PKIA: variants seen among roughly 807,000 people sequenced by gnomAD.
The protein encoded by PKIA is cAMP-dependent protein kinase inhibitor alpha, also known as PKI-alpha.
A neutral mutation model predicts 7.6 loss-of-function variants in PKIA; 4 were observed. That is an observed-to-expected ratio of 0.52 (90% CI 0.26 to 1.20). The LOEUF is 1.20. Ranked by LOEUF, PKIA falls within the 50% of genes most tolerant of loss-of-function variation. The pLI, the probability that PKIA is intolerant of heterozygous loss-of-function variation, is 0.13. For missense variants in PKIA, 73 were observed against 86.2 expected (o/e 0.85, Z 0.61); for synonymous variants, 21 against 30.7 (o/e 0.68, Z 1.04).
intron 3 of PKIA, among the ~76,000 whole-genome samples, chr8:78,600,722 G>A (rs1264173822): frequency 6.6e-6 from 1 of 152,040 alleles, no homozygotes; most frequent in African/African-American, 2.4e-5. Flanking sequence ...TGCTTTAGAA[G>A]AAAATATTTT....
At chr8:78,550,531 C>G (rs984415891) in intron 1 of PKIA, among the ~76,000 whole-genome samples, 3 of 152,052 alleles carry the variant, frequency 2.0e-5, no homozygotes, top group African/African-American at 7.2e-5. Context: ...TTAAGGCTGT[C>G]TTGATCAATC....
At chr8:78,553,326 G>T (rs1057122301) in intron 1 of PKIA, among the ~76,000 whole-genome samples, 3 of 151,908 alleles carry the variant, frequency 2.0e-5, no homozygotes, top group Admixed American at 1.3e-4. Flanking sequence ...TCCCGGCTTG[G>T]ATCCTAGTCC....
chr8:78,579,662 A>G (rs1413348408), intron 2 of PKIA, among the ~76,000 whole-genome samples: 2 of 152,092 alleles, frequency 1.3e-5, no homozygotes, highest in African/African-American at 4.8e-5. Context: ...GAGCAAGTTT[A>G]TTAAATAACA....
At chr8:78,546,525 A>G (rs1330471567) in intron 1 of PKIA, among the ~76,000 whole-genome samples, 1 of 152,200 alleles carries the variant, frequency 6.6e-6, no homozygotes, top group Non-Finnish European at 1.5e-5. Context: ...CATTCAATGT[A>G]ACGTTAAAAA....
chr8:78,533,005 A>T (rs990431811), intron 1 of PKIA, among the ~76,000 whole-genome samples: 6 of 152,152 alleles, frequency 3.9e-5, no homozygotes, highest in African/African-American at 1.4e-4. Flanking sequence ...AAGTGCAGTG[A>T]GTATCCTTGA....
intron 1 of PKIA, among the ~76,000 whole-genome samples, chr8:78,552,386 T>TCTGGTGCA (rs1399398730): frequency 6.6e-6 from 1 of 151,750 alleles, no homozygotes; most frequent in Admixed American, 6.6e-5. Flanking sequence ...TTAGTGCTTT[T>TCTGGTGCA]CTGGTGCACT....
intron 2 of PKIA, among the ~76,000 whole-genome samples, chr8:78,578,475 G>T (rs1257142339): frequency 1.3e-5 from 2 of 151,774 alleles, no homozygotes; most frequent in Non-Finnish European, 2.9e-5. Context: ...CTAAATTCTT[G>T]ATGCCTTTTT....
intron 1 of PKIA, among the ~76,000 whole-genome samples, chr8:78,533,166 C>T (rs534638960): frequency 2.4e-4 from 36 of 152,162 alleles, no homozygotes; most frequent in African/African-American, 8.2e-4. Context: ...TCTTACATGC[C>T]CTCTTCTCAA....
At chr8:78,584,671 A>G (rs193009269) in intron 2 of PKIA, among the ~76,000 whole-genome samples, 230 of 152,278 alleles carry the variant, frequency 1.5e-3, no homozygotes, top group Middle Eastern at 3.4e-3. Context: ...AAGACATTCT[A>G]TCTAATTTGT....
chr8:78,593,773 T>C (rs1296711686), intron 2 of PKIA, among the ~76,000 whole-genome samples: 1 of 152,232 alleles, frequency 6.6e-6, no homozygotes, highest in Non-Finnish European at 1.5e-5. Context: ...ATTCATTAAC[T>C]ATGCGATTAT....
At chr8:78,560,862 G>A (rs1321783089) in intron 1 of PKIA, among the ~76,000 whole-genome samples, 1 of 152,108 alleles carries the variant, frequency 6.6e-6, no homozygotes, top group African/African-American at 2.4e-5. Flanking sequence ...ATCTCTATTG[G>A]TAGATAGAAA....
chr8:78,598,662 G>C, intron 3 of PKIA, 127 bp downstream of exon 3: 2 of 709,590 alleles, frequency 2.8e-6, no homozygotes, highest in Non-Finnish European at 4.8e-6. Flanking sequence ...ACAATCTAAG[G>C]CAAGATGAAA....
In PKIA at chr8:78,602,782, G is replaced by A. The variant is rs1808383367; in HGVS notation, c.*961G>A. On this transcript the variant is annotated 3_prime_UTR_variant, in exon 4 of 4. Transcript: ENST00000396418. ...AAAAGCCAAGATCATACTAAGGACT[G>A]GAAATATTTTGTTCTATGGAATCAA... The A allele has an allele frequency of 6.6e-6, 1 of 150,806 alleles. No homozygotes were observed. The highest frequency in any genetic ancestry group is 1.5e-5 in the Non-Finnish European group (1 of 67,648). The allele number at this position is 150,806 out of a possible 1,614,324, so 9.3% of individuals were successfully genotyped here.
At chr8:78,539,698 A>G (rs1806624667) in intron 1 of PKIA, among the ~76,000 whole-genome samples, 1 of 152,092 alleles carries the variant, frequency 6.6e-6, no homozygotes, top group Non-Finnish European at 1.5e-5. Flanking sequence ...GTAGTCCACA[A>G]GGACAAAAAT....
intron 2 of PKIA, among the ~76,000 whole-genome samples, chr8:78,577,172 T>G (rs1807694426): frequency 6.6e-6 from 1 of 151,992 alleles, no homozygotes; most frequent in Admixed American, 6.6e-5. Context: ...TTGTTATATA[T>G]GTATACATGT....
chr8:78,520,744 A>G (rs1809400111), intron 1 of PKIA, among the ~76,000 whole-genome samples: 1 of 152,204 alleles, frequency 6.6e-6, no homozygotes. Context: ...CTTCTCCCCA[A>G]GTACATACAG....
intron 2 of PKIA, among the ~76,000 whole-genome samples, 191 bp from the exon 3 acceptor site, chr8:78,598,167 G>A (rs888563508): frequency 2.0e-5 from 3 of 149,228 alleles, no homozygotes; most frequent in Admixed American, 6.7e-5. Context: ...ATGTAAAAAT[G>A]TACATATTTA....
At chr8:78,585,464 C>CATTAATAAAAAG (rs2130227491) in intron 2 of PKIA, among the ~76,000 whole-genome samples, 1 of 152,034 alleles carries the variant, frequency 6.6e-6, no homozygotes, top group African/African-American at 2.4e-5. Flanking sequence ...AAGAGCATTC[C>CATTAATAAAAAG]ATTAATAAAA....
At chr8:78,542,803 G>T (rs879483522) in intron 1 of PKIA, among the ~76,000 whole-genome samples, 1 of 152,088 alleles carries the variant, frequency 6.6e-6, no homozygotes, top group Admixed American at 6.6e-5. Flanking sequence ...TACCACCATA[G>T]TTTAGATTCT....
Sources: gnomAD v4.1 joint callset for allele counts (sites outside exome capture counted in the v4.1 genomes callset) on GRCh38, gnomAD v4.1.1 for gene constraint, MANE v1.5 for transcripts, NCBI Gene and HGNC (gene_info 2026-07-23, HGNC 2026-07-21) for gene names.